The following PGM1 variants were observed in gnomAD, a reference collection of about 807,000 sequenced individuals.
PGM1 encodes the protein phosphoglucomutase 1.
PGM1 carries 52 observed loss-of-function variants against 55.6 expected under a neutral mutation model. The observed-to-expected ratio is 0.94, with a 90% CI of 0.75 to 1.18. The LOEUF (loss-of-function observed/expected upper bound fraction) is 1.18, where lower values mean the gene tolerates loss of function less well. PGM1 is among the 50% of genes most tolerant of loss of function. The pLI is 0.00. For missense variants in PGM1, 724 were observed against 729.3 expected, an observed-to-expected ratio of 0.99 and a Z score of 0.08; for synonymous variants, 287 against 271.7, an observed-to-expected ratio of 1.06 and a Z score of -0.55.
At chr1:63,628,777 A>G (rs565805931) in intron 1 of PGM1, among the ~76,000 whole-genome samples, 4 of 152,282 alleles carry the variant, frequency 2.6e-5, no homozygotes, top group Admixed American at 6.5e-5. Flanking sequence ...CATGTAGGTC[A>G]TTCTGACTGG....
chr1:63,631,700 A>G lies in PGM1; in HGVS notation c.600A>G (p.Arg200=). ...DSVEAYATML[R]SIFDFSALKE... ...TAGAAGCTTATGCTACAATGCTGAG[A>G]AGCATCTTTGATTTCAGTGCACTGA... Residue 200 remains arginine, a synonymous_variant, in exon 4 of 11, where the codon AGA becomes AGG. Transcript: ENST00000371084. 2 of 1,612,860 alleles carry G rather than the reference A, an allele frequency of 1.2e-6. No homozygotes were observed. The highest frequency in any genetic ancestry group is 2.2e-5 in the South Asian group (2 of 91,070).
chr1:63,618,645 TAAA>T, intron 1 of PGM1, among the ~76,000 whole-genome samples: 1 of 152,194 alleles, frequency 6.6e-6, no homozygotes, highest in Non-Finnish European at 1.5e-5. Context: ...AATGCCTACT[TAAA>T]AAACCATTCT....
chr1:63,629,371 G>T lies in PGM1; in HGVS notation c.247-54G>T, dbSNP rs855313. 0.099 allele frequency: 145,655 copies of T among 1,470,622 alleles called. 7,911 individuals carry two copies. Among genetic ancestry groups the T allele is most frequent in the Middle Eastern group, 0.18 (1,030 of 5,786 alleles). The allele number at this position is 1,470,622 out of a possible 1,614,324, so 91.1% of individuals were successfully genotyped here. A position where few individuals can be genotyped will look rare whatever the true frequency, so the allele number is the denominator to read the frequency against. ...TGTTGTCTTGGTGTTGTTTCTGAGC[G>T]GTGACTCTGGATGTATTGATGTTAA... On this transcript the variant is annotated intron_variant, in intron 1 of 10. Transcript: ENST00000371084.
chr1:63,631,689 A>G lies in PGM1; in HGVS notation c.589A>G (p.Thr197Ala), dbSNP rs1350740255. ...EIVDSVEAYA[T>A]MLRSIFDFSA... ...TGTGGATTCGGTAGAAGCTTATGCT[A>G]CAATGCTGAGAAGCATCTTTGATTT... The change falls in exon 4 of 11, where the codon ACA (threonine) becomes GCA (alanine). Residue 197 changes from threonine (T) to alanine (A), a missense_variant. Physicochemically the swap from Thr to Ala is moderately conservative, Grantham distance 58. Transcript: ENST00000371084. 1.9e-6 allele frequency: 3 copies of G among 1,613,288 alleles called. No individual in the cohort carries two copies. Among genetic ancestry groups the G allele is most frequent in the Admixed American group, 3.3e-5 (2 of 60,022 alleles).
At chr1:63,632,190 G>A (rs1254048526) in intron 4 of PGM1, among the ~76,000 whole-genome samples, 3 of 152,012 alleles carry the variant, frequency 2.0e-5, no homozygotes, top group Non-Finnish European at 4.4e-5. Context: ...CCAAATGCTC[G>A]TTTTCTTAGA....
chr1:63,628,997 A>G (rs558832234), intron 1 of PGM1, among the ~76,000 whole-genome samples: 1 of 152,360 alleles, frequency 6.6e-6, no homozygotes, highest in South Asian at 2.1e-4. Context: ...CTTTGGGTAG[A>G]ATCCCTTTAA....
rs2101007697 is a variant in PGM1 at position 63,659,567 on chromosome 1, C to T, written c.1600-19C>T. The T allele has an allele frequency of 6.3e-7, 1 of 1,598,164 alleles. No homozygotes were observed. Among genetic ancestry groups the T allele is most frequent in the South Asian group, 1.1e-5 (1 of 90,760 alleles). On this transcript the variant is annotated intron_variant, in intron 10 of 10. Coordinates refer to ENST00000371084, the MANE Select transcript of PGM1 (RefSeq NM_002633.3). Reference sequence around the variant, plus strand: ...TTTAGAGGAAGTGATGGAAAAGCTTCTCTCTATGTCTTCCTCAGGTCATGT... The same window carrying T: ...TTTAGAGGAAGTGATGGAAAAGCTTTTCTCTATGTCTTCCTCAGGTCATGT...
chr1:63,629,910 A>T, intron 2 of PGM1, 32 bp from the exon 3 acceptor site: 1 of 1,613,524 alleles, frequency 6.2e-7, no homozygotes, highest in South Asian at 1.1e-5. Flanking sequence ...GAGCTGCACG[A>T]AGTAACCCAC....
rs12028516 is a variant in PGM1 at position 63,630,138 on chromosome 1, C to T, written c.556+50C>T. On this transcript the variant is annotated intron_variant, in intron 3 of 10. Coordinates refer to ENST00000371084, the MANE Select transcript of PGM1 (RefSeq NM_002633.3). ...TGCCCACTCCTATTTCCAAGTTGAGCGATTTTCCTTTCAACGTTTTAGTAG... is the reference window on the plus strand; with the variant it reads ...TGCCCACTCCTATTTCCAAGTTGAGTGATTTTCCTTTCAACGTTTTAGTAG... 2.5e-5 allele frequency: 39 copies of T among 1,577,680 alleles called. No individual in the cohort carries two copies. The East Asian group carries it at 3.4e-4, about 14-fold the overall frequency.
intron 1 of PGM1, among the ~76,000 whole-genome samples, chr1:63,598,734 A>T (rs1648151132): frequency 6.6e-6 from 1 of 152,200 alleles, no homozygotes; most frequent in Non-Finnish European, 1.5e-5. Flanking sequence ...CTCTTGAGGT[A>T]GGGGAAGGGG....
intron 1 of PGM1, among the ~76,000 whole-genome samples, chr1:63,606,390 G>A (rs1648417468): frequency 6.6e-6 from 1 of 152,142 alleles, no homozygotes; most frequent in South Asian, 2.1e-4. Context: ...TTCATATCCT[G>A]GGTGTGGGCA....
At chr1:63,659,558 G>A in intron 10 of PGM1, 28 bp from the exon 11 acceptor site, 1 of 1,578,508 alleles carries the variant, frequency 6.3e-7, no homozygotes, top group Non-Finnish European at 8.7e-7. Flanking sequence ...GGAAGTGATG[G>A]AAAAGCTTCT....
chr1:63,607,741 C>A (rs934778361), intron 1 of PGM1, among the ~76,000 whole-genome samples: 1 of 152,160 alleles, frequency 6.6e-6, no homozygotes, highest in Non-Finnish European at 1.5e-5. Flanking sequence ...ACTCTGGGAA[C>A]CATGCACGCA....
intron 1 of PGM1, chr1:63,593,979 G>T: frequency 8.5e-7 from 1 of 1,177,850 alleles, no homozygotes; most frequent in South Asian, 3.4e-5. Flanking sequence ...GCGCCGGGAG[G>T]TGCGGGCGCG....
chr1:63,654,370 C>G lies in PGM1; in HGVS notation c.1503C>G (p.Val501=). 1 of 1,614,096 alleles carries G rather than the reference C, an allele frequency of 6.2e-7. No individual in the cohort carries two copies. The highest frequency in any genetic ancestry group is 8.5e-7 in the Non-Finnish European group (1 of 1,179,936). ...RLIFTDGSRI[V]FRLSGTGSAG... The stretch of plus-strand genomic sequence containing the variant: ...TTTTCACAGATGGTTCTCGAATCGT[C>G]TTCCGACTGAGCGGCACTGGGAGTG... The change falls in exon 10 of 11, where the codon GTC becomes GTG. Residue 501 remains valine, a synonymous_variant. Coordinates refer to ENST00000371084, the MANE Select transcript of PGM1 (RefSeq NM_002633.3).
At chr1:63,601,802 G>A (rs2100957253) in intron 1 of PGM1, among the ~76,000 whole-genome samples, 1 of 152,284 alleles carries the variant, frequency 6.6e-6, no homozygotes, top group Non-Finnish European at 1.5e-5. Flanking sequence ...AACTTCAGCT[G>A]TTGGAAGTCC....
At chr1:63,642,511 G>A (rs1649543479) in intron 7 of PGM1, among the ~76,000 whole-genome samples, 1 of 152,220 alleles carries the variant, frequency 6.6e-6, no homozygotes, top group South Asian at 2.1e-4. Flanking sequence ...CACAATGGTA[G>A]AGGGCAGACT....
At chr1:63,603,842 G>A (rs1648309100) in intron 1 of PGM1, among the ~76,000 whole-genome samples, 1 of 152,206 alleles carries the variant, frequency 6.6e-6, no homozygotes, top group Non-Finnish European at 1.5e-5. Context: ...TGGTCACTGG[G>A]TGAAATGGTG....
intron 4 of PGM1, among the ~76,000 whole-genome samples, chr1:63,632,813 C>A (rs1197169385): frequency 6.6e-6 from 1 of 152,144 alleles, no homozygotes; most frequent in Non-Finnish European, 1.5e-5. Flanking sequence ...GAGTTCAAGA[C>A]CAGCCTGACC....
Sources: gnomAD v4.1 joint callset for allele counts (sites outside exome capture counted in the v4.1 genomes callset) on GRCh38, gnomAD v4.1.1 for gene constraint, MANE v1.5 for transcripts, NCBI Gene and HGNC (gene_info 2026-07-23, HGNC 2026-07-21) for gene names.